ASTN2: variants seen among roughly 807,000 people sequenced by gnomAD.
ASTN2 encodes the protein astrotactin-2.
In ASTN2, 54 loss-of-function variants were observed where a neutral mutation model predicts 139.8. The ratio of observed to expected loss-of-function variants is 0.39; its 90% confidence interval spans 0.31 to 0.48. The LOEUF (loss-of-function observed/expected upper bound fraction) is 0.48, where lower values mean the gene tolerates loss of function less well. Ranked by LOEUF, ASTN2 falls within the 20% of genes least tolerant of loss-of-function variation. The pLI is 0.95. For synonymous variants in ASTN2, 756 were observed against 719.5 expected (o/e 1.05, Z -0.81); for missense variants, 1,565 against 1,725.1 (o/e 0.91, Z 1.64).
At position 116,632,176 on chromosome 9, in the gene ASTN2, G is replaced by C. The variant is rs71505578; in HGVS notation, c.3073-11733C>G. Among the ~76,000 whole-genome samples, 2 of 19,562 alleles carry C rather than the reference G, an allele frequency of 1.0e-4. 1 individual carries two copies. Among genetic ancestry groups the C allele is most frequent in the African/African-American group, 4.4e-4 (2 of 4,550 alleles). The allele number at this position is 19,562 out of a possible 152,430, so 12.8% of individuals were successfully genotyped here. A position where few individuals can be genotyped will look rare whatever the true frequency, so the allele number is the denominator to read the frequency against. Reference sequence around the variant, plus strand: ...AGAGAGACAGAGAGAGAGAGAGAGAGAGAGAGAGGGAGAGAGAGAGAAAGA... The same window carrying C: ...AGAGAGACAGAGAGAGAGAGAGAGACAGAGAGAGGGAGAGAGAGAGAAAGA... On this transcript the variant is annotated intron_variant, in intron 17 of 22. Transcript: ENST00000313400.
chr9:116,711,405 A>G (rs1177451156), intron 16 of ASTN2, among the ~76,000 whole-genome samples: 2 of 152,228 alleles, frequency 1.3e-5, no homozygotes, highest in African/African-American at 4.8e-5. Flanking sequence ...AAAGTAGCTT[A>G]AGAAAACAAA....
chr9:117,080,919 C>T (rs755853717), intron 5 of ASTN2, among the ~76,000 whole-genome samples: 10 of 152,214 alleles, frequency 6.6e-5, no homozygotes, highest in Middle Eastern at 3.4e-3. Flanking sequence ...CTTTAAGAGG[C>T]CTCTGATGCA....
chr9:117,128,453 C>A (rs1354877679), intron 4 of ASTN2, among the ~76,000 whole-genome samples: 1 of 73,854 alleles, frequency 1.4e-5, no homozygotes, highest in Admixed American at 2.0e-4. Context: ...TTTATGACAG[C>A]GATGTTATCT....
At chr9:117,215,699 G>T (rs1043959372) in intron 2 of ASTN2, among the ~76,000 whole-genome samples, 1 of 152,004 alleles carries the variant, frequency 6.6e-6, no homozygotes, top group Admixed American at 6.6e-5. Flanking sequence ...GAAGTTGAGG[G>T]TTTGCATTCT....
chr9:116,476,274 T>G lies in ASTN2; in HGVS notation c.3497+11085A>C, dbSNP rs187519336. 9.8e-5 allele frequency among the ~76,000 whole-genome samples: 15 copies of G among 152,328 alleles called. No homozygotes were observed. The East Asian group carries it at 1.9e-3, about 20-fold the overall frequency. On this transcript the variant is annotated intron_variant, in intron 20 of 22. Coordinates refer to ENST00000313400, the MANE Select transcript of ASTN2 (RefSeq NM_001365068.1). Reference sequence around the variant, plus strand: ...TCACTGAATTAAGGAATTAACTTAATCCAGTATTACCTCATCTTGATCCTT... The same window carrying G: ...TCACTGAATTAAGGAATTAACTTAAGCCAGTATTACCTCATCTTGATCCTT...
intron 2 of ASTN2, among the ~76,000 whole-genome samples, chr9:117,268,796 G>A (rs1408136518): frequency 1.3e-5 from 2 of 152,114 alleles, no homozygotes; most frequent in African/African-American, 4.8e-5. Flanking sequence ...TAATGTCTCT[G>A]GGGCCCCAGT....
chr9:116,889,841 G>C (rs1277685542), intron 10 of ASTN2, among the ~76,000 whole-genome samples: 1 of 151,994 alleles, frequency 6.6e-6, no homozygotes, highest in Non-Finnish European at 1.5e-5. Context: ...TGGGGTAGGA[G>C]GATCACTTGA....
intron 19 of ASTN2, among the ~76,000 whole-genome samples, chr9:116,576,911 T>C (rs747399763): frequency 6.6e-6 from 1 of 152,124 alleles, no homozygotes; most frequent in African/African-American, 2.4e-5. Context: ...TCAACAATCA[T>C]CATCTCTTCC....
chr9:116,497,104 G>A (rs559666220), intron 19 of ASTN2, among the ~76,000 whole-genome samples: 99 of 152,282 alleles, frequency 6.5e-4, no homozygotes, highest in African/African-American at 2.2e-3. Flanking sequence ...ATAAGGCTGT[G>A]GGGCAGAAAG....
chr9:117,383,605 G>T (rs1318188148), intron 1 of ASTN2, among the ~76,000 whole-genome samples: 1 of 152,128 alleles, frequency 6.6e-6, no homozygotes, highest in Non-Finnish European at 1.5e-5. Context: ...AATGAATTCA[G>T]CCTCCAAAGT....
chr9:116,971,331 C>A (rs1836191667), intron 10 of ASTN2, among the ~76,000 whole-genome samples: 1 of 152,126 alleles, frequency 6.6e-6, no homozygotes, highest in Admixed American at 6.5e-5. Context: ...CACTTGAAAG[C>A]CTTACCCCTC....
chr9:116,643,137 G>A (rs115323553), intron 17 of ASTN2, among the ~76,000 whole-genome samples: 59 of 152,306 alleles, frequency 3.9e-4, no homozygotes, highest in African/African-American at 1.3e-3. Context: ...GGGGGACAGA[G>A]TAAGAGAACA....
chr9:116,511,106 T>G (rs899854760), intron 19 of ASTN2, among the ~76,000 whole-genome samples: 1 of 152,192 alleles, frequency 6.6e-6, no homozygotes, highest in Non-Finnish European at 1.5e-5. Context: ...TGCTTCCATT[T>G]TTTGCCCATT....
intron 1 of ASTN2, among the ~76,000 whole-genome samples, chr9:117,339,451 C>T (rs2130862136): frequency 6.6e-6 from 1 of 152,246 alleles, no homozygotes; most frequent in Admixed American, 6.5e-5. Flanking sequence ...CACACACAGT[C>T]CGCTGCTGCC....
chr9:116,681,567 G>A (rs1221662578), intron 16 of ASTN2, among the ~76,000 whole-genome samples: 3 of 151,970 alleles, frequency 2.0e-5, no homozygotes, highest in East Asian at 1.9e-4. Context: ...GCATTGCCAA[G>A]TCAATCCTAA....
intron 11 of ASTN2, among the ~76,000 whole-genome samples, chr9:116,834,808 G>A (rs1282150404): frequency 6.6e-6 from 1 of 152,214 alleles, no homozygotes; most frequent in Non-Finnish European, 1.5e-5. Context: ...AGCACATTGG[G>A]AGGCTGAGGC....
At chr9:116,751,219 A>G (rs1375080834) in intron 13 of ASTN2, among the ~76,000 whole-genome samples, 1 of 152,228 alleles carries the variant, frequency 6.6e-6, no homozygotes, top group Non-Finnish European at 1.5e-5. Flanking sequence ...ATTAAAAGAG[A>G]CTATGCATAT....
At chr9:117,382,096 A>T (rs1587998616) in intron 1 of ASTN2, among the ~76,000 whole-genome samples, 1 of 152,124 alleles carries the variant, frequency 6.6e-6, no homozygotes. Flanking sequence ...TGGGATGCTG[A>T]TGGGGAATTC....
intron 2 of ASTN2, among the ~76,000 whole-genome samples, chr9:117,231,890 C>T (rs562418017): frequency 4.6e-5 from 7 of 152,264 alleles, no homozygotes; most frequent in South Asian, 2.1e-4. Context: ...TTCTCTGTCC[C>T]GACCTAGAGG....
Sources: allele counts gnomAD v4.1 joint callset (sites outside exome capture counted in the v4.1 genomes callset), GRCh38; gene constraint gnomAD v4.1.1; transcripts MANE v1.5; gene names NCBI Gene and HGNC (gene_info 2026-07-23, HGNC 2026-07-21).